The following SDK2 variants were observed in gnomAD, a reference collection of about 807,000 sequenced individuals.
The protein encoded by SDK2 is sidekick cell adhesion molecule 2.
Under a neutral mutation model 253.9 loss-of-function variants are expected in SDK2, and 105 were observed. The observed-to-expected ratio is 0.41, with a 90% CI of 0.35 to 0.49. The LOEUF (loss-of-function observed/expected upper bound fraction) is 0.49. Among genes scored for constraint, SDK2 ranks in the 20% least tolerant of loss-of-function variants. The pLI is 0.06. For missense variants in SDK2, 2,608 were observed against 3,003.0 expected (o/e 0.87, Z 3.07); for synonymous variants, 1,249 against 1,234.9 (o/e 1.01, Z -0.24).
At chr17:73,369,061 C>T (rs754594038) in intron 36 of SDK2, 61 of 397,508 alleles carry the variant, frequency 1.5e-4, no homozygotes, top group Non-Finnish European at 2.8e-4. Context: ...CTTTCTGGAA[C>T]CTTCCTTTTC....
rs117143718 is a variant in SDK2 at position 73,474,554 on chromosome 17, C to A, written c.225-2336G>T. On this transcript the variant is annotated intron_variant, in intron 2 of 44. Coordinates refer to ENST00000392650, the MANE Select transcript of SDK2 (RefSeq NM_001144952.2). ...CCTTCTGGCTGCCCAAGCCCCTTAT[C>A]TCTGCCACCGGCTGCAGCTCTTATC... Among the ~76,000 whole-genome samples, 491 of 152,342 alleles carry A rather than the reference C, an allele frequency of 3.2e-3. 5 individuals carry two copies. In the East Asian group the frequency reaches 0.041, roughly 13 times the overall value.
intron 36 of SDK2, among the ~76,000 whole-genome samples, chr17:73,378,357 C>G (rs1406044626): frequency 6.6e-6 from 1 of 152,108 alleles, no homozygotes; most frequent in Non-Finnish European, 1.5e-5. Flanking sequence ...CCACCTTGGC[C>G]TCCTAAAGTG....
In SDK2 at chr17:73,534,647, T is replaced by C. The variant is rs569683254; in HGVS notation, c.65-27050A>G. Among the ~76,000 whole-genome samples the C allele has an allele frequency of 4.6e-5, 7 of 152,284 alleles. No individual in the cohort carries two copies. The highest frequency in any genetic ancestry group is 2.9e-5 in the Non-Finnish European group (2 of 68,020). ...GAGGTCTTGGAGTGTTGGTGCTGGC[T>C]GGCTCTGGTGAGGAGGTGTGACTGC... On this transcript the variant is annotated intron_variant, in intron 1 of 44. Coordinates refer to ENST00000392650, the MANE Select transcript of SDK2 (RefSeq NM_001144952.2). The surrounding 1 kb of genome is among the most constrained non-coding windows in gnomAD (Gnocchi z 4.9).
At chr17:73,466,808 C>A (rs578072551) in intron 3 of SDK2, among the ~76,000 whole-genome samples, 196 of 148,796 alleles carry the variant, frequency 1.3e-3, no homozygotes, top group Non-Finnish European at 2.2e-3. Context: ...TGGGTCATGA[C>A]CCTGAAGGTC....
chr17:73,535,191 T>C (rs566092723), intron 1 of SDK2, among the ~76,000 whole-genome samples: 1 of 152,326 alleles, frequency 6.6e-6, no homozygotes, highest in East Asian at 1.9e-4. Context: ...CTCTTGTGAA[T>C]AGGCTGCGTA....
chr17:73,500,932 C>A (rs2063886226), intron 2 of SDK2, among the ~76,000 whole-genome samples: 1 of 152,236 alleles, frequency 6.6e-6, no homozygotes, highest in South Asian at 2.1e-4. Flanking sequence ...CCTCCATCTC[C>A]ATCCCCTGTC....
At chr17:73,507,630 T>C (rs998680126) in intron 1 of SDK2, 33 bp from the exon 2 acceptor site, 6 of 1,544,956 alleles carry the variant, frequency 3.9e-6, no homozygotes, top group Non-Finnish European at 5.2e-6. Context: ...CCACCAGTGA[T>C]CACTTGCTCA....
intron 1 of SDK2, among the ~76,000 whole-genome samples, chr17:73,548,106 G>C (rs559874956): frequency 6.6e-6 from 1 of 152,312 alleles, no homozygotes; most frequent in South Asian, 2.1e-4. Flanking sequence ...AACACGTGGG[G>C]ATTACAATTC....
chr17:73,531,351 T>C (rs2064167573), intron 1 of SDK2, among the ~76,000 whole-genome samples: 3 of 152,222 alleles, frequency 2.0e-5, no homozygotes, highest in African/African-American at 7.2e-5. Flanking sequence ...AGTCATCCAA[T>C]CCAGAAATAA....
rs117689133 is a variant in SDK2 at position 73,592,704 on chromosome 17, C to T, written c.64+51321G>A. Among the ~76,000 whole-genome samples the T allele has an allele frequency of 9.1e-4, 139 of 152,308 alleles. 1 individual carries two copies. Among genetic ancestry groups the T allele is most frequent in the East Asian group, 9.1e-3 (47 of 5,178 alleles). ...ACCTTGGTGGCTGGCTGAGGATGCT[C>T]AGATGACGGGAAGACGGAACAGTCA... On this transcript the variant is annotated intron_variant, in intron 1 of 44. Coordinates refer to ENST00000392650, the MANE Select transcript of SDK2 (RefSeq NM_001144952.2).
At chr17:73,554,005 G>A (rs1412632532) in intron 1 of SDK2, among the ~76,000 whole-genome samples, 8 of 152,138 alleles carry the variant, frequency 5.3e-5, no homozygotes. Flanking sequence ...AGGGGAGCTG[G>A]GGCCCTGAGG....
At chr17:73,450,316 G>A (rs1020670852) in intron 4 of SDK2, among the ~76,000 whole-genome samples, 7 of 152,252 alleles carry the variant, frequency 4.6e-5, no homozygotes, top group Admixed American at 1.3e-4. Context: ...CCCAGAGGTT[G>A]AAGGATTCTG....
At chr17:73,586,408 C>T (rs2045603584) in intron 1 of SDK2, among the ~76,000 whole-genome samples, 1 of 152,134 alleles carries the variant, frequency 6.6e-6, no homozygotes, top group Admixed American at 6.5e-5. Context: ...TCGCTGAGAC[C>T]AAGAGCGTAA....
chr17:73,522,353 G>C (rs773455542), intron 1 of SDK2, among the ~76,000 whole-genome samples: 2 of 152,234 alleles, frequency 1.3e-5, no homozygotes, highest in African/African-American at 4.8e-5. Flanking sequence ...GTGGCAGGTG[G>C]CATTCCCAGA....
At chr17:73,441,033 G>T (rs555232668) in intron 5 of SDK2, 110 bp from the exon 6 acceptor site, 1 of 778,856 alleles carries the variant, frequency 1.3e-6, no homozygotes, top group Non-Finnish European at 2.1e-6. Flanking sequence ...GAGTGGAGCA[G>T]GTGGCCATGG....
chr17:73,343,949 C>T (rs2062461097), intron 44 of SDK2, among the ~76,000 whole-genome samples: 1 of 152,112 alleles, frequency 6.6e-6, no homozygotes, highest in Non-Finnish European at 1.5e-5. Context: ...CCCTCATCCA[C>T]GGTCCCAGGG....
rs902378546 is a variant in SDK2 at position 73,612,194 on chromosome 17, C to T, written c.64+31831G>A. Reference sequence around the variant, plus strand: ...AAGCGAGGAAAGATAAATGCAAGTACACCACAGTGGTGGCCCAGCTGCACC... The same window carrying T: ...AAGCGAGGAAAGATAAATGCAAGTATACCACAGTGGTGGCCCAGCTGCACC... On this transcript the variant is annotated intron_variant, in intron 1 of 44. Coordinates refer to ENST00000392650, the MANE Select transcript of SDK2 (RefSeq NM_001144952.2). The surrounding 1 kb of genome is among the most constrained non-coding windows in gnomAD (Gnocchi z 4.4). Among the ~76,000 whole-genome samples, 10 of 152,234 alleles carry T rather than the reference C, an allele frequency of 6.6e-5. No homozygotes were observed. Among genetic ancestry groups the T allele is most frequent in the Admixed American group, 3.9e-4 (6 of 15,286 alleles).
At position 73,511,998 on chromosome 17, in the gene SDK2, C is replaced by T. The variant is rs972703728; in HGVS notation, c.65-4401G>A. Among the ~76,000 whole-genome samples, 5 of 152,004 alleles carry T rather than the reference C, an allele frequency of 3.3e-5. No homozygotes were observed. The East Asian group carries it at 7.7e-4, about 23-fold the overall frequency. ...GAATGTCAATGTGTGTGTCAGTGCACATCTGTGTGTGCAAGCCTTTGTGTT... is the reference window on the plus strand; with the variant it reads ...GAATGTCAATGTGTGTGTCAGTGCATATCTGTGTGTGCAAGCCTTTGTGTT... On this transcript the variant is annotated intron_variant, in intron 1 of 44. Coordinates refer to ENST00000392650, the MANE Select transcript of SDK2 (RefSeq NM_001144952.2). This position sits in a 1 kb window ranked among gnomAD's most constrained non-coding sequence, Gnocchi z 4.9.
chr17:73,392,613 G>A (rs896522345), intron 27 of SDK2, among the ~76,000 whole-genome samples: 7 of 152,114 alleles, frequency 4.6e-5, no homozygotes, highest in Non-Finnish European at 1.0e-4. Flanking sequence ...CGTTGTAAGG[G>A]TATATCTGTC....
Sources: allele counts gnomAD v4.1 joint callset (sites outside exome capture counted in the v4.1 genomes callset), GRCh38; gene constraint gnomAD v4.1.1; non-coding constraint Gnocchi (gnomAD v3.1); transcripts MANE v1.5; gene names NCBI Gene and HGNC (gene_info 2026-07-23, HGNC 2026-07-21).